The following NRXN3 variants were observed in gnomAD, a reference collection of about 807,000 sequenced individuals.
The protein encoded by NRXN3 is neurexin III.
In NRXN3, 32 loss-of-function variants were observed where a neutral mutation model predicts 137.6. The ratio of observed to expected loss-of-function variants is 0.23; its 90% confidence interval spans 0.18 to 0.31. NRXN3 has a LOEUF of 0.31. NRXN3 is among the 10% of genes least tolerant of loss of function. The pLI, the probability that NRXN3 is intolerant of heterozygous loss-of-function variation, is 1.00. For synonymous variants in NRXN3, 798 were observed against 784.5 expected (o/e 1.02, Z -0.29); for missense variants, 1,574 against 2,062.5 (o/e 0.76, Z 4.59).
In NRXN3 at chr14:78,472,129, C is replaced by T. The variant is rs2095286716; in HGVS notation, c.758-172991C>T. 2.0e-5 allele frequency among the ~76,000 whole-genome samples: 3 copies of T among 152,176 alleles called. No homozygotes were observed. In the South Asian group the frequency reaches 6.2e-4, roughly 31 times the overall value. ...AAGAGCAAGATAGCAAGATCTAGGA[C>T]ACAGCTTACTGTTTGAGGCCTAAGT... On this transcript the variant is annotated intron_variant, in intron 4 of 20. Coordinates refer to ENST00000335750, the MANE Select transcript of NRXN3 (RefSeq NM_001330195.2).
At chr14:79,095,058 GA>G in intron 15 of NRXN3, among the ~76,000 whole-genome samples, 1 of 149,654 alleles carries the variant, frequency 6.7e-6, no homozygotes, top group Middle Eastern at 3.5e-3. Flanking sequence ...TCATTTTGTT[GA>G]ATGTAACTGA....
intron 15 of NRXN3, among the ~76,000 whole-genome samples, chr14:79,102,092 G>A (rs1214846634): frequency 2.6e-5 from 4 of 152,136 alleles, no homozygotes; most frequent in Non-Finnish European, 5.9e-5. Context: ...CTCATGTCTT[G>A]ATTTGAGACT....
intron 15 of NRXN3, among the ~76,000 whole-genome samples, chr14:79,430,268 G>A (rs1266929409): frequency 1.3e-5 from 2 of 152,162 alleles, no homozygotes; most frequent in East Asian, 1.9e-4. Flanking sequence ...AAGACAGGAT[G>A]TATCTATCTT....
chr14:79,571,416 G>A (rs1459827105), intron 16 of NRXN3, among the ~76,000 whole-genome samples: 1 of 152,124 alleles, frequency 6.6e-6, no homozygotes, highest in Non-Finnish European at 1.5e-5. Context: ...AGCAAGACAA[G>A]GTAAAGAAAA....
At chr14:79,078,449 C>G (rs1268233055) in intron 15 of NRXN3, among the ~76,000 whole-genome samples, 1 of 152,176 alleles carries the variant, frequency 6.6e-6, no homozygotes, top group African/African-American at 2.4e-5. Flanking sequence ...TCCATCCAAC[C>G]TTGCTCTGCA....
intron 15 of NRXN3, among the ~76,000 whole-genome samples, chr14:79,132,365 G>A (rs1466934322): frequency 6.6e-6 from 1 of 152,216 alleles, no homozygotes; most frequent in African/African-American, 2.4e-5. Context: ...GAATTGAGAT[G>A]TGCTGTAAGT....
At chr14:78,588,967 C>A (rs749620376) in intron 4 of NRXN3, among the ~76,000 whole-genome samples, 6 of 152,186 alleles carry the variant, frequency 3.9e-5, no homozygotes, top group African/African-American at 1.4e-4. Flanking sequence ...CACAAACAAC[C>A]CTTATTATGG....
At position 78,774,023 on chromosome 14, in the gene NRXN3, A is replaced by G. The variant is rs553392204; in HGVS notation, c.2045-29597A>G. 1.1e-3 allele frequency among the ~76,000 whole-genome samples: 160 copies of G among 152,266 alleles called. 1 individual carries two copies. The highest frequency in any genetic ancestry group is 3.6e-3 in the African/African-American group (151 of 41,550). ...CACCACGTTGGCCAAGATGGTCTCC[A>G]TCTCTGGACCTCGTGATCAACCCTC... On this transcript the variant is annotated intron_variant, in intron 8 of 20. Coordinates refer to ENST00000335750, the MANE Select transcript of NRXN3 (RefSeq NM_001330195.2).
At position 79,195,628 on chromosome 14, in the gene NRXN3, G is replaced by A. The variant is rs183512532; in HGVS notation, c.3262+207487G>A. Among the ~76,000 whole-genome samples, 73 of 152,226 alleles carry A rather than the reference G, an allele frequency of 4.8e-4. No homozygotes were observed. The South Asian group carries it at 5.6e-3, about 12-fold the overall frequency. On this transcript the variant is annotated intron_variant, in intron 15 of 20. Coordinates refer to ENST00000335750, the MANE Select transcript of NRXN3 (RefSeq NM_001330195.2). ...TCTTATTTAACTGAAGAGATTAGGG[G>A]AAATACTTCCTCACCCACCACAGAG...
chr14:78,600,750 A>C (rs974547506), intron 4 of NRXN3, among the ~76,000 whole-genome samples: 1 of 152,196 alleles, frequency 6.6e-6, no homozygotes, highest in African/African-American at 2.4e-5. Context: ...AGACATCTCT[A>C]CCTACTTGTC....
At chr14:78,281,316 C>T (rs1226770997) in intron 3 of NRXN3, among the ~76,000 whole-genome samples, 1 of 152,172 alleles carries the variant, frequency 6.6e-6, no homozygotes, top group Non-Finnish European at 1.5e-5. Context: ...TTTTTTCCTT[C>T]CCCTCAGGAA....
At chr14:79,651,277 A>G (rs2098474603) in intron 16 of NRXN3, among the ~76,000 whole-genome samples, 1 of 152,138 alleles carries the variant, frequency 6.6e-6, no homozygotes, top group Non-Finnish European at 1.5e-5. Flanking sequence ...GTGAACAGCT[A>G]TGGTCACCTG....
In NRXN3 at chr14:79,185,193, A is replaced by G. The variant is rs185028293; in HGVS notation, c.3262+197052A>G. ...TCTAATAAGCTCGTGTCTTGAGCAG[A>G]AACACTAATACCCAGGAAATTTTCT... On this transcript the variant is annotated intron_variant, in intron 15 of 20. Coordinates refer to ENST00000335750, the MANE Select transcript of NRXN3 (RefSeq NM_001330195.2). Among the ~76,000 whole-genome samples the G allele has an allele frequency of 6.4e-3, 980 of 152,258 alleles. 1 individual carries two copies. Among genetic ancestry groups the G allele is most frequent in the Non-Finnish European group, 0.012 (786 of 68,014 alleles).
chr14:78,342,802 G>T (rs1249187516), intron 4 of NRXN3, among the ~76,000 whole-genome samples: 4 of 152,222 alleles, frequency 2.6e-5, no homozygotes, highest in African/African-American at 9.6e-5. Context: ...AAGCACACTT[G>T]CTATGTGTTT....
At chr14:79,765,888 G>A (rs911024321) in intron 19 of NRXN3, among the ~76,000 whole-genome samples, 5 of 151,992 alleles carry the variant, frequency 3.3e-5, no homozygotes, top group African/African-American at 1.2e-4. Context: ...CTTCAAGTAT[G>A]TAAAAAAACA....
intron 15 of NRXN3, among the ~76,000 whole-genome samples, chr14:79,044,032 G>A (rs567076959): frequency 6.6e-6 from 1 of 152,286 alleles, no homozygotes; most frequent in South Asian, 2.1e-4. Flanking sequence ...AAACAAAAAT[G>A]TCTCCAGACA....
In NRXN3 at chr14:78,911,847, A is replaced by T. The variant is rs539470763; in HGVS notation, c.2276-45395A>T. Among the ~76,000 whole-genome samples the T allele has an allele frequency of 2.0e-5, 3 of 152,200 alleles. No individual in the cohort carries two copies. In the South Asian group the frequency reaches 6.2e-4, roughly 32 times the overall value. On this transcript the variant is annotated intron_variant, in intron 10 of 20. Coordinates refer to ENST00000335750, the MANE Select transcript of NRXN3 (RefSeq NM_001330195.2). ...AGGATGGTCTGAGAGAGAGATAAAT[A>T]TTTAGGCCTTAAGGAACCACACACA...
intron 8 of NRXN3, among the ~76,000 whole-genome samples, chr14:78,741,060 G>A (rs1017467481): frequency 6.6e-6 from 1 of 152,102 alleles, no homozygotes; most frequent in Non-Finnish European, 1.5e-5. Flanking sequence ...TTTCACCCTG[G>A]CATGTTAGGT....
intron 20 of NRXN3, among the ~76,000 whole-genome samples, chr14:79,858,992 A>C (rs1361442433): frequency 2.0e-5 from 3 of 151,724 alleles, no homozygotes; most frequent in East Asian, 1.9e-4. Context: ...AAAAGAAAAA[A>C]AAAAAAAACA....
Sources: allele counts gnomAD v4.1 joint callset (sites outside exome capture counted in the v4.1 genomes callset), GRCh38; gene constraint gnomAD v4.1.1; transcripts MANE v1.5; gene names NCBI Gene and HGNC (gene_info 2026-07-23, HGNC 2026-07-21).